Variants in ZDHHC20 observed in about 807,000 individuals in gnomAD.
The protein encoded by ZDHHC20 is zDHHC palmitoyltransferase 20.
Under a neutral mutation model 57.8 loss-of-function variants are expected in ZDHHC20, and 43 were observed. That is an observed-to-expected ratio of 0.74 (90% CI 0.58 to 0.96). ZDHHC20 has a LOEUF of 0.96. ZDHHC20 is among the 40% of genes least tolerant of loss of function. The pLI is 0.00. For missense variants in ZDHHC20, 391 were observed against 441.1 expected (o/e 0.89, Z 1.02); for synonymous variants, 157 against 153.0 (o/e 1.03, Z -0.19).
chr13:21,452,011 A>G (rs1463573612), intron 1 of ZDHHC20, among the ~76,000 whole-genome samples: 1 of 152,022 alleles, frequency 6.6e-6, no homozygotes, highest in African/African-American at 2.4e-5. Context: ...AAAAACAAAA[A>G]AACACTTATT....
intron 7 of ZDHHC20, among the ~76,000 whole-genome samples, chr13:21,392,672 A>G (rs1875954874): frequency 6.6e-6 from 1 of 152,228 alleles, no homozygotes. Context: ...CAGCCTTTAA[A>G]TGTTAGCTCT....
chr13:21,414,563 A>G (rs143645331), intron 3 of ZDHHC20, among the ~76,000 whole-genome samples: 1,594 of 79,192 alleles, frequency 0.02, 24 homozygotes, highest in African/African-American at 0.034. Flanking sequence ...AGTAGAGGCG[A>G]GGTTTCACCG....
chr13:21,398,463 C>CAA (rs533339364), intron 7 of ZDHHC20, among the ~76,000 whole-genome samples: 27 of 98,262 alleles, frequency 2.7e-4, no homozygotes, highest in African/African-American at 5.0e-4. Context: ...GACTCCGTCT[C>CAA]AAAAAAAAAA....
In ZDHHC20 at chr13:21,428,791, C is replaced by T. The variant is rs534454100; in HGVS notation, c.119-3113G>A. On this transcript the variant is annotated intron_variant, in intron 1 of 12. Coordinates refer to ENST00000400590, the MANE Select transcript of ZDHHC20 (RefSeq NM_001330059.2). ...AGGAGAATCGCCTGAACCTGGGAGG[C>T]GGTTGCAGTGAGGCAAGATCACACC... is the stretch of plus-strand genomic sequence containing the variant. Among the ~76,000 whole-genome samples the T allele has an allele frequency of 1.2e-3, 176 of 151,876 alleles. 1 individual carries two copies. The highest frequency in any genetic ancestry group is 3.0e-3 in the Admixed American group (46 of 15,264).
chr13:21,396,459 TC>T (rs1484786153), intron 7 of ZDHHC20, among the ~76,000 whole-genome samples: 1 of 152,246 alleles, frequency 6.6e-6, no homozygotes, highest in East Asian at 1.9e-4. Context: ...CAGACAGGTA[TC>T]ATATATAAAA....
chr13:21,423,094 A>G (rs1289354499), intron 2 of ZDHHC20, among the ~76,000 whole-genome samples: 2 of 152,176 alleles, frequency 1.3e-5, no homozygotes, highest in African/African-American at 2.4e-5. Flanking sequence ...ATTCAAACTC[A>G]TATCTGTTTG....
intron 1 of ZDHHC20, among the ~76,000 whole-genome samples, chr13:21,428,396 T>C (rs1179735879): frequency 6.6e-6 from 1 of 151,640 alleles, no homozygotes; most frequent in Non-Finnish European, 1.5e-5. Context: ...AATTTTTGTA[T>C]TTTTAGTAGA....
At chr13:21,409,865 C>T (rs1470827237) in intron 4 of ZDHHC20, among the ~76,000 whole-genome samples, 1 of 152,160 alleles carries the variant, frequency 6.6e-6, no homozygotes, top group East Asian at 1.9e-4. Context: ...TATTATCCAC[C>T]TTCTGAAGCC....
chr13:21,379,487 GC>G lies in ZDHHC20; in HGVS notation c.1061-750del, dbSNP rs565700677. Among the ~76,000 whole-genome samples, 113 of 152,106 alleles carry G rather than the reference GC, an allele frequency of 7.4e-4. 1 individual carries two copies. Among genetic ancestry groups the G allele is most frequent in the African/African-American group, 2.7e-3 (110 of 41,498 alleles). ...GTTTTTCGTAGAGATAGGCTATATG[GC>G]CCAGGCTGGTCTCAAACTCCTGAGC... On this transcript the variant is annotated intron_variant, in intron 11 of 12. Transcript: ENST00000400590.
chr13:21,374,858 G>A lies in ZDHHC20; in HGVS notation c.*1838C>T, dbSNP rs1871794104. On this transcript the variant is annotated 3_prime_UTR_variant, in exon 13 of 13. Transcript: ENST00000400590. ...ACTCCAAAAAATTTACCGGGGCGGG[G>A]CGTGGTGGCTCACGCCTGTAATCCC... 2 of 304,324 alleles carry A rather than the reference G, an allele frequency of 6.6e-6. No individual in the cohort carries two copies. The highest frequency in any genetic ancestry group is 1.3e-5 in the Non-Finnish European group (2 of 156,844). 18.9% of individuals were successfully genotyped at this position (304,324 alleles called of 1,614,324 possible). A position where few individuals can be genotyped will look rare whatever the true frequency, so the allele number is the denominator to read the frequency against.
chr13:21,454,932 C>T (rs1593293097), intron 1 of ZDHHC20, among the ~76,000 whole-genome samples: 1 of 151,812 alleles, frequency 6.6e-6, no homozygotes, highest in Non-Finnish European at 1.5e-5. Context: ...TTTGTTGGTT[C>T]GTTTTTGAGA....
rs187838679 is a variant in ZDHHC20, at chr13:21,410,726, G to A, written c.370+2926C>T. ...GCCCCTCCCCCCACCAAGCTCCAGC[G>A]TCCCAGGTCAACTTCAGACTGCTGT... On this transcript the variant is annotated intron_variant, in intron 4 of 12. Transcript: ENST00000400590. Among the ~76,000 whole-genome samples, 141 of 152,244 alleles carry A rather than the reference G, an allele frequency of 9.3e-4. 1 individual carries two copies. The East Asian group carries it at 0.018, about 19-fold the overall frequency.
intron 1 of ZDHHC20, among the ~76,000 whole-genome samples, chr13:21,426,945 T>C (rs1051999579): frequency 3.3e-5 from 5 of 152,112 alleles, no homozygotes; most frequent in African/African-American, 7.2e-5. Flanking sequence ...ATATTTCTGG[T>C]GTAATTATTC....
intron 7 of ZDHHC20, among the ~76,000 whole-genome samples, chr13:21,397,679 A>C (rs1877020811): frequency 6.6e-6 from 1 of 152,170 alleles, no homozygotes; most frequent in Non-Finnish European, 1.5e-5. Context: ...AAACAACAAC[A>C]AAAAAGATTA....
At chr13:21,437,127 C>A (rs1882634994) in intron 1 of ZDHHC20, among the ~76,000 whole-genome samples, 1 of 152,138 alleles carries the variant, frequency 6.6e-6, no homozygotes, top group African/African-American at 2.4e-5. Context: ...TAACTCAGAG[C>A]AAAGTCCTAA....
chr13:21,445,450 A>C (rs1480528671), intron 1 of ZDHHC20, among the ~76,000 whole-genome samples: 3 of 152,238 alleles, frequency 2.0e-5, no homozygotes, highest in Non-Finnish European at 4.4e-5. Flanking sequence ...TATATGTCAG[A>C]CACACAACGG....
intron 4 of ZDHHC20, among the ~76,000 whole-genome samples, chr13:21,412,985 A>C (rs1359115755): frequency 2.8e-4 from 43 of 151,784 alleles, no homozygotes; most frequent in Non-Finnish European, 2.7e-4. Context: ...AAAAAAAAAA[A>C]AAAAAACAAT....
intron 5 of ZDHHC20, among the ~76,000 whole-genome samples, chr13:21,402,422 A>T (rs1566080093): frequency 6.6e-6 from 1 of 152,204 alleles, no homozygotes; most frequent in Admixed American, 6.5e-5. Flanking sequence ...CAAAATGAGT[A>T]ATCTAATACT....
In ZDHHC20 at chr13:21,375,191, C is replaced by T; in HGVS notation, c.*1505G>A. ...AAAGTGATTTTGCAAAATTAGGCATCACAGAATGTTAGAAGTCATCCAGTC... is the reference window on the plus strand; with the variant it reads ...AAAGTGATTTTGCAAAATTAGGCATTACAGAATGTTAGAAGTCATCCAGTC... On this transcript the variant is annotated 3_prime_UTR_variant, in exon 13 of 13. Coordinates refer to ENST00000400590, the MANE Select transcript of ZDHHC20 (RefSeq NM_001330059.2). 1 of 456,536 alleles carries T rather than the reference C, an allele frequency of 2.2e-6. No individual in the cohort carries two copies. The highest frequency in any genetic ancestry group is 4.4e-6 in the Non-Finnish European group (1 of 226,950). The allele number at this position is 456,536 out of a possible 1,614,324, so 28.3% of individuals were successfully genotyped here. A position where few individuals can be genotyped will look rare whatever the true frequency, so the allele number is the denominator to read the frequency against.
Sources: gnomAD v4.1 joint callset for allele counts (sites outside exome capture counted in the v4.1 genomes callset) on GRCh38, gnomAD v4.1.1 for gene constraint, MANE v1.5 for transcripts, NCBI Gene and HGNC (gene_info 2026-07-23, HGNC 2026-07-21) for gene names.